STXBP5: variants seen among roughly 807,000 people sequenced by gnomAD.
STXBP5 encodes the protein syntaxin-binding protein 5.
A neutral mutation model predicts 152.4 loss-of-function variants in STXBP5; 50 were observed. The observed-to-expected ratio is 0.33, with a 90% CI of 0.26 to 0.42. The LOEUF (loss-of-function observed/expected upper bound fraction) is 0.42, where lower values mean the gene tolerates loss of function less well. STXBP5 is among the 10% of genes least tolerant of loss of function. The pLI is 1.00. For synonymous variants in STXBP5, 492 were observed against 494.7 expected, an observed-to-expected ratio of 0.99 and a Z score of 0.07; for missense variants, 1,167 against 1,388.6, an observed-to-expected ratio of 0.84 and a Z score of 2.54.
chr6:147,287,193 C>CTTTTT (rs1562463137), intron 8 of STXBP5, among the ~76,000 whole-genome samples: 6 of 108,402 alleles, frequency 5.5e-5, no homozygotes, highest in African/African-American at 1.9e-4. Context: ...CTTAATTGTA[C>CTTTTT]ATTTTTTTTT....
rs769628812 is a variant in STXBP5, at chr6:147,311,438, G to A, written c.1073-17G>A. On this transcript the variant is annotated splice_polypyrimidine_tract_variant and intron_variant, in intron 10 of 27. Coordinates refer to ENST00000321680, the MANE Select transcript of STXBP5 (RefSeq NM_001127715.4). The stretch of plus-strand genomic sequence containing the variant: ...TTGCATTTTTGAAACTATAATTCAT[G>A]CATTGTCCAATTCCAGATTTTCAAG... The A allele has an allele frequency of 6.2e-7, 1 of 1,607,910 alleles. No homozygotes were observed. The highest frequency in any genetic ancestry group is 1.1e-5 in the South Asian group (1 of 90,408).
chr6:147,258,422 A>AGTTTTTT (rs544582153), intron 4 of STXBP5, among the ~76,000 whole-genome samples: 5 of 151,912 alleles, frequency 3.3e-5, no homozygotes, highest in Admixed American at 6.6e-5. Flanking sequence ...CATAACACAT[A>AGTTTTTT]GTTTTTTGTT....
chr6:147,364,638 G>A (rs183845011), intron 25 of STXBP5, among the ~76,000 whole-genome samples: 6 of 152,238 alleles, frequency 3.9e-5, no homozygotes, highest in Admixed American at 3.9e-4. Flanking sequence ...CTGTTTTTGA[G>A]AGACTATATA....
intron 25 of STXBP5, 99 bp from the exon 26 acceptor site, chr6:147,373,632 G>C (rs1236030970): frequency 1.3e-6 from 1 of 781,166 alleles, no homozygotes; most frequent in African/African-American, 1.7e-5. Flanking sequence ...AACAGGTAAT[G>C]TTCTGAGCTT....
intron 4 of STXBP5, among the ~76,000 whole-genome samples, 200 bp from the exon 5 acceptor site, chr6:147,260,411 GCTAT>G (rs1779586708): frequency 6.6e-6 from 1 of 152,090 alleles, no homozygotes; most frequent in African/African-American, 2.4e-5. Flanking sequence ...ATCGTGCCAT[GCTAT>G]CTATTTGCTG....
Position 147,204,697 on chromosome 6 carries a change from C to G in STXBP5, c.150+15C>G, listed in dbSNP as rs750438948. The G allele has an allele frequency of 6.4e-7, 1 of 1,551,330 alleles. No individual in the cohort carries two copies. Among genetic ancestry groups the G allele is most frequent in the East Asian group, 2.4e-5 (1 of 41,214 alleles). On this transcript the variant is annotated intron_variant, in intron 1 of 27. Coordinates refer to ENST00000321680, the MANE Select transcript of STXBP5 (RefSeq NM_001127715.4). This position sits in a 1 kb window ranked among gnomAD's most constrained non-coding sequence, Gnocchi z 4.3. ...AGCTCTGCAAGGTGAACGGAGCGCG[C>G]AGCCCCGCGACACCGTCATTGAAAA...
At chr6:147,287,986 CAA>C (rs1781074546) in intron 8 of STXBP5, among the ~76,000 whole-genome samples, 1 of 151,656 alleles carries the variant, frequency 6.6e-6, no homozygotes, top group Non-Finnish European at 1.5e-5. Flanking sequence ...CTCAGGATCT[CAA>C]AGTCGGCCAG....
rs4330548 is a variant in STXBP5, at chr6:147,377,649, A to G, written c.3193+3807A>G. 8.3e-3 allele frequency among the ~76,000 whole-genome samples: 1,265 copies of G among 152,292 alleles called. 21 individuals carry two copies. Among genetic ancestry groups the G allele is most frequent in the African/African-American group, 0.029 (1,215 of 41,566 alleles). ...CTGGCTGCATTCTCACCTGGGGGAA[A>G]GAGAGCAAGCTACCTCTCTGGCCTC... On this transcript the variant is annotated intron_variant, in intron 26 of 27. Transcript: ENST00000321680.
chr6:147,379,997 T>G (rs9373523), intron 26 of STXBP5, among the ~76,000 whole-genome samples: 94,094 of 151,756 alleles, frequency 0.62, 29,545 homozygotes, highest in African/African-American at 0.72. Context: ...GTAAGTCAGT[T>G]GACCCACATC....
At chr6:147,314,411 C>T (rs1039085) in intron 13 of STXBP5, 80 bp downstream of exon 13, 800,882 of 1,392,420 alleles carry the variant, frequency 0.58, 232,782 homozygotes, top group Admixed American at 0.6. Context: ...TGTTAACTTA[C>T]TGGACAGGTA....
intron 14 of STXBP5, among the ~76,000 whole-genome samples, 198 bp from the exon 15 acceptor site, chr6:147,315,317 A>T (rs1250696459): frequency 6.6e-6 from 1 of 152,138 alleles, no homozygotes; most frequent in Admixed American, 6.5e-5. Context: ...CATGAATACA[A>T]TGAGCACACT....
chr6:147,360,301 A>G (rs1785005297), intron 23 of STXBP5, among the ~76,000 whole-genome samples: 1 of 152,164 alleles, frequency 6.6e-6, no homozygotes, highest in African/African-American at 2.4e-5. Context: ...TACTGGGTAT[A>G]TACCCAAAGG....
chr6:147,316,151 G>A, intron 15 of STXBP5, 78 bp from the exon 16 acceptor site: 1 of 1,318,996 alleles, frequency 7.6e-7, no homozygotes, highest in South Asian at 1.3e-5. Flanking sequence ...TGTAAAGTGT[G>A]TGTGTATGTG....
At chr6:147,324,284 T>G in intron 16 of STXBP5, among the ~76,000 whole-genome samples, 1 of 137,270 alleles carries the variant, frequency 7.3e-6, no homozygotes, top group East Asian at 2.0e-4. Context: ...TTTTTTTTTT[T>G]TTTTTGAGAC....
chr6:147,257,584 TA>T (rs1257539383), intron 4 of STXBP5, among the ~76,000 whole-genome samples: 2 of 152,068 alleles, frequency 1.3e-5, no homozygotes, highest in African/African-American at 2.4e-5. Flanking sequence ...ACCATAAAAT[TA>T]AAAAATAATC....
Position 147,334,204 on chromosome 6 carries a change from T to A in STXBP5, c.2128T>A (p.Cys710Ser), listed in dbSNP as rs1041636048. 3 of 1,612,594 alleles carry A rather than the reference T, an allele frequency of 1.9e-6. No individual in the cohort carries two copies. Among genetic ancestry groups the A allele is most frequent in the Non-Finnish European group, 2.5e-6 (3 of 1,179,356 alleles). The part of the protein sequence containing the change: ...SEGTVVPEDR[C>S]KSPTSGSSSP... Reference sequence around the variant, plus strand: ...AGGGACTGTTGTTCCAGAGGATCGCTGCAAATCTCCAACCTCTGGTAATTT... The same window carrying A: ...AGGGACTGTTGTTCCAGAGGATCGCAGCAAATCTCCAACCTCTGGTAATTT... The change falls in exon 19 of 28, where the codon TGC becomes AGC. Residue 710 changes from cysteine (C) to serine (S), a missense_variant. Around this residue, in one of 3 missense-constraint regions of STXBP5, gnomAD observed 833 missense variants for 986.3 expected, o/e 0.84. Coordinates refer to ENST00000321680, the MANE Select transcript of STXBP5 (RefSeq NM_001127715.4).
chr6:147,223,654 A>G (rs1342567932), intron 2 of STXBP5, among the ~76,000 whole-genome samples: 1 of 152,206 alleles, frequency 6.6e-6, no homozygotes, highest in African/African-American at 2.4e-5. Context: ...ACCAAAATGT[A>G]CAAACAATGC....
chr6:147,205,615 A>G (rs1002135948), intron 1 of STXBP5, among the ~76,000 whole-genome samples: 6 of 152,176 alleles, frequency 3.9e-5, no homozygotes, highest in Non-Finnish European at 8.8e-5. Context: ...CTGCCAAAAT[A>G]AAGTATGAAT....
chr6:147,371,052 G>A (rs931189337), intron 25 of STXBP5, among the ~76,000 whole-genome samples: 2 of 151,952 alleles, frequency 1.3e-5, no homozygotes, highest in African/African-American at 4.8e-5. Context: ...TCTAAAATCA[G>A]ACAAGTATAT....
Sources: allele counts gnomAD v4.1 joint callset (sites outside exome capture counted in the v4.1 genomes callset), GRCh38; gene constraint gnomAD v4.1.1; regional missense constraint gnomAD v4.1.1; non-coding constraint Gnocchi (gnomAD v3.1); transcripts MANE v1.5; gene names NCBI Gene and HGNC (gene_info 2026-07-23, HGNC 2026-07-21).